Variants in WDR70 observed in about 807,000 individuals in gnomAD.
WDR70 encodes WD repeat domain 70, also known as WD repeat-containing protein 70.
In WDR70, 53 loss-of-function variants were observed where a neutral mutation model predicts 88.6. The observed-to-expected ratio is 0.60, with a 90% CI of 0.48 to 0.75. The LOEUF (loss-of-function observed/expected upper bound fraction) is 0.75. Ranked by LOEUF, WDR70 falls within the 30% of genes least tolerant of loss-of-function variation. WDR70 has a pLI of 0.00. For missense variants in WDR70, 610 were observed against 823.2 expected, an observed-to-expected ratio of 0.74 and a Z score of 3.17; for synonymous variants, 280 against 270.0, an observed-to-expected ratio of 1.04 and a Z score of -0.36.
chr5:37,733,246 TCTC>T (rs1163325547), intron 17 of WDR70, among the ~76,000 whole-genome samples: 1 of 152,068 alleles, frequency 6.6e-6, no homozygotes, highest in Non-Finnish European at 1.5e-5. Context: ...TCCTTTGTCT[TCTC>T]CTTTACTCTC....
intron 10 of WDR70, among the ~76,000 whole-genome samples, chr5:37,651,560 A>C (rs998354691): frequency 6.6e-6 from 1 of 152,170 alleles, no homozygotes; most frequent in African/African-American, 2.4e-5. Context: ...ACAGTGGTTG[A>C]ACTAATTTAC....
At chr5:37,505,873 T>G in intron 8 of WDR70, 1 of 1,362,344 alleles carries the variant, frequency 7.3e-7, no homozygotes. Flanking sequence ...TTTTTTAAGG[T>G]AGCCACTCTC....
At chr5:37,481,909 G>A (rs945413890) in intron 8 of WDR70, among the ~76,000 whole-genome samples, 9 of 151,894 alleles carry the variant, frequency 5.9e-5, no homozygotes, top group African/African-American at 2.2e-4. Flanking sequence ...AGATCTCTAG[G>A]GAACTCTAGA....
chr5:37,385,019 C>T (rs1259933255), intron 3 of WDR70, among the ~76,000 whole-genome samples: 11 of 152,090 alleles, frequency 7.2e-5, no homozygotes, highest in East Asian at 3.9e-4. Context: ...TTAGCTAGGA[C>T]GGCTCACAGG....
intron 9 of WDR70, among the ~76,000 whole-genome samples, chr5:37,557,959 T>TTTGAAAACTCTTCCAAAG: frequency 6.8e-6 from 1 of 146,506 alleles, no homozygotes; most frequent in Non-Finnish European, 1.5e-5. Context: ...AAAAGAGTAT[T>TTTGAAAACTCTTCCAAAG]ATGTATATTT....
At chr5:37,562,600 C>T (rs1032408033) in intron 9 of WDR70, among the ~76,000 whole-genome samples, 11 of 152,134 alleles carry the variant, frequency 7.2e-5, no homozygotes, top group African/African-American at 2.2e-4. Context: ...TCCGGCCTTC[C>T]GCAGTGTTTG....
intron 9 of WDR70, among the ~76,000 whole-genome samples, chr5:37,565,929 A>G (rs951096601): frequency 4.6e-5 from 7 of 152,136 alleles, no homozygotes; most frequent in African/African-American, 1.4e-4. Flanking sequence ...ATTAAGAAAA[A>G]TATTAGTATT....
rs1749313534 is a variant in WDR70 at position 37,405,114 on chromosome 5, A to C, written c.492+8544A>C. Among the ~76,000 whole-genome samples the C allele has an allele frequency of 2.6e-5, 4 of 152,326 alleles. No homozygotes were observed. The South Asian group carries it at 6.2e-4, about 24-fold the overall frequency. ...TAAAATATTAGAATAATTAGGAAGA[A>C]TATAAATACCTAGTAATAGGGAGAA... On this transcript the variant is annotated intron_variant, in intron 5 of 17. Transcript: ENST00000265107.
At chr5:37,603,505 A>T (rs1743947099) in intron 9 of WDR70, among the ~76,000 whole-genome samples, 2 of 152,198 alleles carry the variant, frequency 1.3e-5, no homozygotes, top group Non-Finnish European at 2.9e-5. Context: ...CTGTAAAACG[A>T]CTAGAAGAAA....
intron 4 of WDR70, among the ~76,000 whole-genome samples, chr5:37,394,665 G>C (rs1748954308): frequency 6.6e-6 from 1 of 152,192 alleles, no homozygotes; most frequent in Non-Finnish European, 1.5e-5. Context: ...AGACTTCTTT[G>C]AGGAGGAGAC....
intron 9 of WDR70, among the ~76,000 whole-genome samples, chr5:37,525,180 T>C (rs1223506096): frequency 2.0e-5 from 3 of 152,320 alleles, no homozygotes; most frequent in African/African-American, 7.2e-5. Flanking sequence ...ATATACATTC[T>C]TCTCAGCACC....
chr5:37,506,799 A>T, intron 8 of WDR70: 2 of 1,364,552 alleles, frequency 1.5e-6, no homozygotes, highest in Non-Finnish European at 2.1e-6. Context: ...AGTTCCATAT[A>T]CAGCAACCAC....
chr5:37,415,677 C>A (rs1749708956), intron 5 of WDR70, among the ~76,000 whole-genome samples: 1 of 151,040 alleles, frequency 6.6e-6, no homozygotes. Flanking sequence ...CCCCCCACCT[C>A]CCTCCCGCCG....
At chr5:37,692,366 A>T (rs1211322640) in intron 10 of WDR70, among the ~76,000 whole-genome samples, 2 of 152,202 alleles carry the variant, frequency 1.3e-5, no homozygotes, top group Non-Finnish European at 2.9e-5. Flanking sequence ...AACTCATTTT[A>T]TGAGGCCAGC....
chr5:37,670,779 G>C (rs188313640), intron 10 of WDR70, among the ~76,000 whole-genome samples: 108 of 152,254 alleles, frequency 7.1e-4, no homozygotes, highest in African/African-American at 2.4e-3. Context: ...AAATCTATTA[G>C]AGATATTTTG....
At chr5:37,597,803 T>C (rs1743747089) in intron 9 of WDR70, among the ~76,000 whole-genome samples, 1 of 152,234 alleles carries the variant, frequency 6.6e-6, no homozygotes, top group Non-Finnish European at 1.5e-5. Context: ...AAACCTATTT[T>C]CTTTACAAAT....
At chr5:37,728,348 CAAA>C (rs1271317565) in intron 17 of WDR70, among the ~76,000 whole-genome samples, 3 of 49,998 alleles carry the variant, frequency 6.0e-5, no homozygotes, top group Non-Finnish European at 8.2e-5. Context: ...ACCTTGCCTC[CAAA>C]AAAAAAAAAA....
At chr5:37,684,340 T>C (rs1358854979) in intron 10 of WDR70, among the ~76,000 whole-genome samples, 1 of 152,238 alleles carries the variant, frequency 6.6e-6, no homozygotes, top group Non-Finnish European at 1.5e-5. Context: ...GCTGGAAAGA[T>C]AGTTCAGTCG....
At chr5:37,447,849 A>G (rs914344878) in intron 7 of WDR70, among the ~76,000 whole-genome samples, 1 of 152,220 alleles carries the variant, frequency 6.6e-6, no homozygotes, top group East Asian at 1.9e-4. Context: ...TGACGAGTTA[A>G]TGGGTGCAGC....
Sources: gnomAD v4.1 joint callset for allele counts (sites outside exome capture counted in the v4.1 genomes callset) on GRCh38, gnomAD v4.1.1 for gene constraint, MANE v1.5 for transcripts, NCBI Gene and HGNC (gene_info 2026-07-23, HGNC 2026-07-21) for gene names.